SORCS2: variants seen among roughly 807,000 people sequenced by gnomAD.
SORCS2 encodes the protein VPS10 domain-containing receptor SorCS2.
SORCS2 carries 100 observed loss-of-function variants against 141.6 expected under a neutral mutation model. The observed-to-expected ratio is 0.71, with a 90% confidence interval of 0.60 to 0.83. The LOEUF is 0.83. Among genes scored for constraint, SORCS2 ranks in the 40% least tolerant of loss-of-function variants. The probability of loss-of-function intolerance (pLI) is 0.00; values close to 1 mark genes in which losing one functional copy is unlikely to be tolerated. For missense variants in SORCS2, 1,646 were observed against 1,560.2 expected (o/e 1.05, Z -0.93); for synonymous variants, 789 against 676.9 (o/e 1.17, Z -2.57).
chr4:7,456,780 G>T (rs542986822), intron 2 of SORCS2, among the ~76,000 whole-genome samples: 97 of 152,242 alleles, frequency 6.4e-4, no homozygotes, highest in Non-Finnish European at 1.1e-3. Context: ...GCAGGGGTAG[G>T]GGGGTGGAGG....
At chr4:7,470,416 G>T (rs1439828007) in intron 2 of SORCS2, among the ~76,000 whole-genome samples, 2 of 151,870 alleles carry the variant, frequency 1.3e-5, no homozygotes, top group African/African-American at 4.8e-5. Flanking sequence ...CAGCCATCCA[G>T]CCATCCTCCC....
At chr4:7,270,587 G>T (rs1051814240) in intron 1 of SORCS2, among the ~76,000 whole-genome samples, 2 of 152,200 alleles carry the variant, frequency 1.3e-5, no homozygotes, top group African/African-American at 4.8e-5. Context: ...GGGACTAATT[G>T]TTGCTAAGAA....
intron 2 of SORCS2, among the ~76,000 whole-genome samples, chr4:7,416,716 A>G (rs1383321160): frequency 6.5e-5 from 2 of 30,676 alleles, no homozygotes; most frequent in African/African-American, 1.4e-4. Flanking sequence ...ACACTTGTGC[A>G]CACACTCAGA....
intron 2 of SORCS2, among the ~76,000 whole-genome samples, chr4:7,526,718 A>C (rs35633298): frequency 6.6e-6 from 1 of 152,190 alleles, no homozygotes; most frequent in Non-Finnish European, 1.5e-5. Context: ...TGTAAGAGCG[A>C]GTCTCTCAGC....
chr4:7,361,801 T>C (rs1284862936), intron 1 of SORCS2, among the ~76,000 whole-genome samples: 1 of 150,672 alleles, frequency 6.6e-6, no homozygotes, highest in Admixed American at 6.6e-5. Flanking sequence ...GGTGGAATGC[T>C]AATGCCGGGC....
At chr4:7,591,346 G>A (rs1403208989) in intron 3 of SORCS2, among the ~76,000 whole-genome samples, 1 of 152,152 alleles carries the variant, frequency 6.6e-6, no homozygotes, top group East Asian at 1.9e-4. Context: ...AGAGTCCCAG[G>A]GCTGGGAGGG....
intron 1 of SORCS2, among the ~76,000 whole-genome samples, chr4:7,366,792 C>T (rs1335541328): frequency 2.0e-5 from 3 of 152,134 alleles, no homozygotes; most frequent in African/African-American, 7.2e-5. Flanking sequence ...CTTCACAGGG[C>T]CAGGGACCTG....
At chr4:7,471,777 A>T (rs1313760212) in intron 2 of SORCS2, among the ~76,000 whole-genome samples, 3 of 152,236 alleles carry the variant, frequency 2.0e-5, no homozygotes, top group Non-Finnish European at 4.4e-5. Context: ...CTGGAAGCCC[A>T]CCTGCTTTGG....
intron 1 of SORCS2, among the ~76,000 whole-genome samples, chr4:7,212,514 C>T (rs1367497341): frequency 1.3e-5 from 2 of 152,212 alleles, no homozygotes; most frequent in African/African-American, 4.8e-5. Context: ...AACATAGGCA[C>T]CAGGCTTGGT....
chr4:7,424,063 G>A (rs905877080), intron 2 of SORCS2, among the ~76,000 whole-genome samples: 2 of 152,190 alleles, frequency 1.3e-5, no homozygotes, highest in African/African-American at 4.8e-5. Context: ...CTTACCCAGC[G>A]GAGAGTGGGA....
chr4:7,450,333 C>G (rs571849461), intron 2 of SORCS2, among the ~76,000 whole-genome samples: 2 of 152,294 alleles, frequency 1.3e-5, no homozygotes, highest in African/African-American at 4.8e-5. Context: ...CACTTGGCTG[C>G]CAAGCTGGAG....
In SORCS2 at chr4:7,725,005, ATGG is replaced by A. The variant is rs373326590; in HGVS notation, c.2612-128_2612-126del. 1.7e-3 allele frequency: 1,377 copies of A among 799,438 alleles called. 5 individuals carry two copies. Among genetic ancestry groups the A allele is most frequent in the African/African-American group, 0.011 (574 of 50,908 alleles). The allele number at this position is 799,438 out of a possible 1,614,324, so 49.5% of individuals were successfully genotyped here. On this transcript the variant is annotated intron_variant, in intron 19 of 26. Coordinates refer to ENST00000507866, the MANE Select transcript of SORCS2 (RefSeq NM_020777.3). Reference sequence around the variant, plus strand: ...GGAATGGATGGTGGTAGTAGTGGTGATGGTGGTGGTGGTGGTGGTGGTGATGAT... The same window carrying A: ...GGAATGGATGGTGGTAGTAGTGGTGATGGTGGTGGTGGTGGTGGTGATGAT...
chr4:7,256,303 C>A (rs1455224950), intron 1 of SORCS2, among the ~76,000 whole-genome samples: 1 of 152,192 alleles, frequency 6.6e-6, no homozygotes, highest in Non-Finnish European at 1.5e-5. Context: ...ATTTCCAGAT[C>A]TTTTGATTAT....
intron 3 of SORCS2, among the ~76,000 whole-genome samples, chr4:7,558,649 C>A (rs1462626877): frequency 6.6e-6 from 1 of 152,212 alleles, no homozygotes; most frequent in African/African-American, 2.4e-5. Flanking sequence ...AAGCCTATGA[C>A]CGGCACAGGG....
intron 3 of SORCS2, among the ~76,000 whole-genome samples, chr4:7,540,019 C>A (rs1457225162): frequency 6.7e-6 from 1 of 149,138 alleles, no homozygotes; most frequent in Non-Finnish European, 1.5e-5. Flanking sequence ...ATGGAGGCCC[C>A]GCCCCCTTTC....
intron 1 of SORCS2, among the ~76,000 whole-genome samples, chr4:7,309,309 G>A (rs776287082): frequency 2.6e-5 from 4 of 152,164 alleles, no homozygotes; most frequent in African/African-American, 7.2e-5. Flanking sequence ...TTCTGGTCTC[G>A]TTTCCTAGCA....
chr4:7,600,660 C>T (rs62277503), intron 3 of SORCS2, among the ~76,000 whole-genome samples: 1,354 of 38,476 alleles, frequency 0.035, 11 homozygotes, highest in African/African-American at 0.043. Flanking sequence ...TATATATACA[C>T]ACACACACAC....
chr4:7,497,936 G>GGGTGAAGAAATGCATTTCACTGAAGT, intron 2 of SORCS2, among the ~76,000 whole-genome samples: 2 of 152,252 alleles, frequency 1.3e-5, no homozygotes, highest in Non-Finnish European at 2.9e-5. Flanking sequence ...TTCACTGAAG[G>GGGTGAAGAAATGCATTTCACTGAAGT]GGGTGAAGAA....
At chr4:7,651,271 A>G (rs1721429119) in intron 4 of SORCS2, among the ~76,000 whole-genome samples, 1 of 152,180 alleles carries the variant, frequency 6.6e-6, no homozygotes, top group African/African-American at 2.4e-5. Context: ...AAAGCACATG[A>G]TCGGGTTGAA....
Sources: gnomAD v4.1 joint callset for allele counts (sites outside exome capture counted in the v4.1 genomes callset) on GRCh38, gnomAD v4.1.1 for gene constraint, MANE v1.5 for transcripts, NCBI Gene and HGNC (gene_info 2026-07-23, HGNC 2026-07-21) for gene names.